Variants in DIP2A observed in about 807,000 individuals in gnomAD.
DIP2A encodes disco-interacting protein 2 homolog A.
DIP2A carries 85 observed loss-of-function variants against 177.4 expected under a neutral mutation model. The observed-to-expected ratio is 0.48, with a 90% CI of 0.40 to 0.57. The LOEUF (loss-of-function observed/expected upper bound fraction) is 0.57. DIP2A is among the 20% of genes least tolerant of loss of function. The pLI is 0.00. For synonymous variants in DIP2A, 886 were observed against 881.8 expected (o/e 1.00, Z -0.08); for missense variants, 1,791 against 2,100.2 (o/e 0.85, Z 2.88).
downstream of DIP2A, among the ~76,000 whole-genome samples, chr21:46,573,899 A>G (rs140976692): frequency 3.7e-3 from 557 of 152,246 alleles, 6 homozygotes; most frequent in African/African-American, 0.013. Context: ...AGACAGTTCT[A>G]TAATAATAGT....
At chr21:46,462,731 C>A (rs529991533) in intron 1 of DIP2A, 1 of 150,792 alleles carries the variant, frequency 6.6e-6, no homozygotes, top group South Asian at 2.1e-4. Flanking sequence ...AGAAGCTTAA[C>A]AGTGACAAAG....
downstream of DIP2A, among the ~76,000 whole-genome samples, chr21:46,574,020 A>G (rs2060980933): frequency 6.6e-6 from 1 of 152,232 alleles, no homozygotes; most frequent in Non-Finnish European, 1.5e-5. Flanking sequence ...AGACATATGC[A>G]GAACATTCTA....
At chr21:46,472,272 A>G (rs1009596097) in intron 1 of DIP2A, among the ~76,000 whole-genome samples, 1 of 152,176 alleles carries the variant, frequency 6.6e-6, no homozygotes, top group Non-Finnish European at 1.5e-5. Context: ...CTTGATCTTG[A>G]GCTTTCAGTC....
chr21:46,516,331 T>C (rs1437179994), intron 8 of DIP2A, among the ~76,000 whole-genome samples: 2 of 151,932 alleles, frequency 1.3e-5, no homozygotes, highest in Non-Finnish European at 2.9e-5. Context: ...TTTTTTCTTC[T>C]CTCCTTCTGG....
chr21:46,545,875 G>A lies in DIP2A; in HGVS notation c.2314-6G>A. On this transcript the variant is annotated splice_region_variant and splice_polypyrimidine_tract_variant and intron_variant, in intron 19 of 37. Transcript: ENST00000417564. Reference sequence around the variant, plus strand: ...GCCTGATCGTGCCCCTCTCCACTTTGTGCAGGCAGTTCCGGTCACCACAGG... The same window carrying A: ...GCCTGATCGTGCCCCTCTCCACTTTATGCAGGCAGTTCCGGTCACCACAGG... 6.2e-7 allele frequency: 1 copy of A among 1,613,456 alleles called. No homozygotes were observed. The highest frequency in any genetic ancestry group is 1.3e-5 in the African/African-American group (1 of 75,040).
intron 25 of DIP2A, chr21:46,553,073 G>A (rs1474959603): frequency 6.6e-6 from 1 of 152,292 alleles, no homozygotes; most frequent in South Asian, 2.1e-4. Context: ...ATAAGGCTGG[G>A]GGTCGCTGGG....
chr21:46,534,169 T>C, intron 12 of DIP2A, 56 bp downstream of exon 12: 1 of 1,394,242 alleles, frequency 7.2e-7, no homozygotes, highest in Non-Finnish European at 1.0e-6. Context: ...GGCTTAAGTC[T>C]TGCTTTTCAT....
chr21:46,546,038 C>T (rs1054843822), intron 20 of DIP2A, 77 bp downstream of exon 20: 3 of 1,605,730 alleles, frequency 1.9e-6, no homozygotes, highest in African/African-American at 2.7e-5. Context: ...TCGTTGCAGC[C>T]CCACCCTTGT....
chr21:46,477,543 T>TTTTTTGTGTGTGTGTGTGTG (rs374607636), intron 1 of DIP2A, among the ~76,000 whole-genome samples: 29 of 87,128 alleles, frequency 3.3e-4, no homozygotes, highest in African/African-American at 9.9e-4. Flanking sequence ...AAAAAAAGAT[T>TTTTTTGTGTGTGTGTGTGTG]TGTGTGTGTG....
chr21:46,557,858 G>A lies in DIP2A; in HGVS notation c.3798+105G>A. On this transcript the variant is annotated intron_variant, in intron 31 of 37. Transcript: ENST00000417564. This position sits in a 1 kb window ranked among gnomAD's most constrained non-coding sequence, Gnocchi z 6.0. The stretch of plus-strand genomic sequence containing the variant: ...ACTCCCAAGGCCCCTCCCTGCAGTT[G>A]GAGGAAGTAGAGAAAACCCTTTCCC... 2 of 1,379,054 alleles carry A rather than the reference G, an allele frequency of 1.5e-6. No homozygotes were observed. The highest frequency in any genetic ancestry group is 1.9e-6 in the Non-Finnish European group (2 of 1,027,544). The allele number at this position is 1,379,054 out of a possible 1,614,324, so 85.4% of individuals were successfully genotyped here. A position where few individuals can be genotyped will look rare whatever the true frequency, so the allele number is the denominator to read the frequency against.
chr21:46,509,141 C>T, intron 6 of DIP2A, 116 bp from the exon 7 acceptor site: 3 of 1,196,210 alleles, frequency 2.5e-6, no homozygotes, highest in Non-Finnish European at 3.3e-6. Context: ...GGGGCCCACA[C>T]TTGGATGGAT....
At chr21:46,515,480 G>A (rs2058531395) in intron 8 of DIP2A, among the ~76,000 whole-genome samples, 1 of 151,166 alleles carries the variant, frequency 6.6e-6, no homozygotes, top group Non-Finnish European at 1.5e-5. Flanking sequence ...ATTCTCCTTG[G>A]CTTGCAGTTT....
chr21:46,473,341 T>C (rs1484327391), intron 1 of DIP2A, among the ~76,000 whole-genome samples: 1 of 151,766 alleles, frequency 6.6e-6, no homozygotes, highest in African/African-American at 2.4e-5. Flanking sequence ...TGCATGCCTG[T>C]AATCCCAACT....
At chr21:46,581,386 G>A in the DIP2A span, among the ~76,000 whole-genome samples, 1 of 152,164 alleles carries the variant, frequency 6.6e-6, no homozygotes, top group Non-Finnish European at 1.5e-5. Context: ...CACTGGGTTA[G>A]AACATAACTC....
At chr21:46,534,168 C>G (rs1238551309) in intron 12 of DIP2A, 55 bp downstream of exon 12, 27 of 1,413,908 alleles carry the variant, frequency 1.9e-5, no homozygotes, top group Non-Finnish European at 2.5e-5. Context: ...AGGCTTAAGT[C>G]TTGCTTTTCA....
chr21:46,488,985 G>A (rs905590774), intron 2 of DIP2A, among the ~76,000 whole-genome samples: 2 of 152,200 alleles, frequency 1.3e-5, no homozygotes, highest in African/African-American at 2.4e-5. Context: ...TGTATTGTCC[G>A]TTGTGAACTT....
rs370320414 is a variant in DIP2A, at chr21:46,554,897, G to C, written c.3352G>C (p.Val1118Leu). ...LLRSKEAAAA[V>L]DIRTWPTILD... The stretch of plus-strand genomic sequence containing the variant: ...CAGGTCCAAGGAGGCTGCTGCTGCC[G>C]TGGACATCAGGACCTGGCCCACCAT... Residue 1118 changes from valine to leucine, a missense_variant, in exon 28 of 38, where the codon GTG becomes CTG. Physicochemically the swap from Val to Leu is conservative, Grantham distance 32. Transcript: ENST00000417564. The C allele has an allele frequency of 8.3e-5, 129 of 1,552,464 alleles. No individual in the cohort carries two copies. Among genetic ancestry groups the C allele is most frequent in the Non-Finnish European group, 1.1e-4 (129 of 1,148,416 alleles).
intron 19 of DIP2A, 103 bp from the exon 20 acceptor site, chr21:46,545,778 G>A: frequency 7.4e-7 from 1 of 1,350,372 alleles, no homozygotes; most frequent in Non-Finnish European, 1.0e-6. Context: ...CCCCTGGCCA[G>A]CAGGCGCACA....
At chr21:46,482,845 G>A (rs958597433) in intron 1 of DIP2A, among the ~76,000 whole-genome samples, 3 of 152,186 alleles carry the variant, frequency 2.0e-5, no homozygotes, top group Admixed American at 6.5e-5. Context: ...GCCATATTCC[G>A]TACCTCTGTG....
Sources: gnomAD v4.1 joint callset for allele counts (sites outside exome capture counted in the v4.1 genomes callset) on GRCh38, gnomAD v4.1.1 for gene constraint, Gnocchi (gnomAD v3.1) non-coding constraint, MANE v1.5 for transcripts, NCBI Gene and HGNC (gene_info 2026-07-23, HGNC 2026-07-21) for gene names.